The following MAPKAP1 variants were observed in gnomAD, a reference collection of about 807,000 sequenced individuals.
MAPKAP1 encodes the protein MAPK associated protein 1.
A neutral mutation model predicts 65.7 loss-of-function variants in MAPKAP1; 20 were observed. The observed-to-expected ratio is 0.30, with a 90% CI of 0.21 to 0.44. The LOEUF is 0.44. MAPKAP1 is among the 20% of genes least tolerant of loss of function. The pLI, the probability that MAPKAP1 is intolerant of heterozygous loss-of-function variation, is 1.00. For synonymous variants in MAPKAP1, 222 were observed against 244.3 expected (o/e 0.91, Z 0.85); for missense variants, 423 against 648.0 (o/e 0.65, Z 3.77).
chr9:125,511,372 G>A (rs1006603671), intron 7 of MAPKAP1, among the ~76,000 whole-genome samples: 3 of 152,124 alleles, frequency 2.0e-5, no homozygotes, highest in African/African-American at 4.8e-5. Flanking sequence ...CTTAAGAGAG[G>A]AGAAACTGTG....
intron 8 of MAPKAP1, among the ~76,000 whole-genome samples, chr9:125,492,179 C>T (rs565016234): frequency 5.0e-4 from 76 of 152,202 alleles, no homozygotes; most frequent in Non-Finnish European, 9.1e-4. Flanking sequence ...CCATCCTGGG[C>T]GAGACCTGGC....
chr9:125,658,921 G>C (rs895142524), intron 3 of MAPKAP1, among the ~76,000 whole-genome samples: 1 of 152,060 alleles, frequency 6.6e-6, no homozygotes, highest in African/African-American at 2.4e-5. Flanking sequence ...AGAGAGAACA[G>C]AGCTCCGAAA....
intron 4 of MAPKAP1, chr9:125,652,335 GT>G: frequency 2.2e-6 from 2 of 914,930 alleles, no homozygotes; most frequent in Non-Finnish European, 2.7e-6. Flanking sequence ...TAACCAGTAT[GT>G]GTTAATTGCC....
At chr9:125,585,809 C>T (rs1016049741) in intron 4 of MAPKAP1, 82 bp from the exon 5 acceptor site, 2 of 1,372,084 alleles carry the variant, frequency 1.5e-6, no homozygotes, top group Admixed American at 1.8e-5. Flanking sequence ...GTGGGCAGCA[C>T]AGCCATTTTT....
chr9:125,651,399 G>GT (rs1206637055), intron 4 of MAPKAP1, among the ~76,000 whole-genome samples: 1 of 151,984 alleles, frequency 6.6e-6, no homozygotes, highest in Non-Finnish European at 1.5e-5. Flanking sequence ...GAGGTCAGGA[G>GT]TTTGAGACGA....
chr9:125,699,195 G>A (rs1456779489), intron 1 of MAPKAP1, among the ~76,000 whole-genome samples: 2 of 152,056 alleles, frequency 1.3e-5, no homozygotes, highest in Non-Finnish European at 2.9e-5. Flanking sequence ...TAGCCTGAAG[G>A]TAATTTTATA....
In MAPKAP1 at chr9:125,559,613, G is replaced by C; in HGVS notation, c.848+20C>G. 1 of 1,597,274 alleles carries C rather than the reference G, an allele frequency of 6.3e-7. No homozygotes were observed. The highest frequency in any genetic ancestry group is 8.6e-7 in the Non-Finnish European group (1 of 1,169,008). On this transcript the variant is annotated intron_variant, in intron 6 of 11. Transcript: ENST00000265960. The stretch of plus-strand genomic sequence containing the variant: ...AGGTTGGGATGAGATACCGAGAGAA[G>C]TAATAGAGTCAGTACTCACATTCGA...
At chr9:125,457,881 T>A (rs1376416005) in intron 10 of MAPKAP1, among the ~76,000 whole-genome samples, 1 of 152,222 alleles carries the variant, frequency 6.6e-6, no homozygotes, top group Non-Finnish European at 1.5e-5. Flanking sequence ...CAGTGAAAGA[T>A]TCAAGGGGCT....
chr9:125,558,447 G>A (rs1830801269), intron 6 of MAPKAP1, among the ~76,000 whole-genome samples: 1 of 152,048 alleles, frequency 6.6e-6, no homozygotes, highest in Admixed American at 6.5e-5. Context: ...CTTACCCCCA[G>A]GTACTCAGTT....
Position 125,641,904 on chromosome 9 carries a change from T to C in MAPKAP1, c.498+15747A>G, listed in dbSNP as rs375667366. On this transcript the variant is annotated intron_variant, in intron 4 of 11. Coordinates refer to ENST00000265960, the MANE Select transcript of MAPKAP1 (RefSeq NM_001006617.3). ...AAAATTAGCCAGGCATGGTGGCGCATGCCTGTAATCCAAGCTACTCGGGAG... is the reference window on the plus strand; with the variant it reads ...AAAATTAGCCAGGCATGGTGGCGCACGCCTGTAATCCAAGCTACTCGGGAG... Among the ~76,000 whole-genome samples, 13 of 152,062 alleles carry C rather than the reference T, an allele frequency of 8.5e-5. No individual in the cohort carries two copies. The East Asian group carries it at 1.5e-3, about 18-fold the overall frequency.
intron 9 of MAPKAP1, among the ~76,000 whole-genome samples, chr9:125,483,803 T>C (rs750629869): frequency 3.9e-5 from 6 of 152,212 alleles, no homozygotes; most frequent in Non-Finnish European, 8.8e-5. Flanking sequence ...GGTAGTTAAG[T>C]AGTACATGTA....
chr9:125,592,102 C>T (rs904677021), intron 4 of MAPKAP1, among the ~76,000 whole-genome samples: 54 of 152,272 alleles, frequency 3.5e-4, no homozygotes, highest in Middle Eastern at 3.4e-3. Context: ...TGCTGGGCTC[C>T]GAAGACAAAG....
chr9:125,543,238 G>T, intron 6 of MAPKAP1, 70 bp from the exon 7 acceptor site: 1 of 1,141,202 alleles, frequency 8.8e-7, no homozygotes, highest in Non-Finnish European at 1.3e-6. Context: ...AATCTTCACT[G>T]TGTTTAAGCA....
chr9:125,678,892 G>A (rs1397457179), intron 1 of MAPKAP1, among the ~76,000 whole-genome samples: 1 of 152,026 alleles, frequency 6.6e-6, no homozygotes, highest in African/African-American at 2.4e-5. Context: ...AAGCCAGACA[G>A]CTAATACATA....
rs201151787 is a variant in MAPKAP1 at position 125,672,477 on chromosome 9, T to C, written c.98A>G (p.Asp33Gly). Residue 33 changes from aspartate (D) to glycine (G), a missense_variant, in exon 2 of 12, where the codon GAT becomes GGT. By Grantham distance (94) the Asp-to-Gly change is moderately conservative. This residue lies in a region of MAPKAP1 where 58 missense variants were observed against 56.9 expected (regional missense o/e 1.02). Coordinates refer to ENST00000265960, the MANE Select transcript of MAPKAP1 (RefSeq NM_001006617.3). ...DTGMCEMVLI[D>G]HDVDLEKIHP... is the part of the protein sequence containing the mutation. ...AATCTTCTCTAGGTCAACATCATGA[T>C]CAATGAGAACCATCTCACACATTCC... 1.4e-4 allele frequency: 224 copies of C among 1,614,064 alleles called. No homozygotes were observed. The highest frequency in any genetic ancestry group is 1.9e-4 in the Non-Finnish European group (220 of 1,180,022).
At chr9:125,647,141 C>T (rs1199528368) in intron 4 of MAPKAP1, among the ~76,000 whole-genome samples, 1 of 152,178 alleles carries the variant, frequency 6.6e-6, no homozygotes, top group Non-Finnish European at 1.5e-5. Context: ...TCAATTTAAT[C>T]TTTGGTTGCA....
intron 4 of MAPKAP1, among the ~76,000 whole-genome samples, chr9:125,609,151 G>A (rs2131625904): frequency 1.3e-5 from 2 of 152,274 alleles, no homozygotes; most frequent in South Asian, 4.1e-4. Flanking sequence ...ATGCAACTGT[G>A]TCATTTTTTA....
chr9:125,643,587 T>C (rs1405291744), intron 4 of MAPKAP1, among the ~76,000 whole-genome samples: 4 of 152,248 alleles, frequency 2.6e-5, no homozygotes, highest in Non-Finnish European at 5.9e-5. Context: ...TCAATCATTA[T>C]GTAATATTCA....
intron 3 of MAPKAP1, among the ~76,000 whole-genome samples, chr9:125,658,707 C>G (rs1834102328): frequency 6.6e-6 from 1 of 152,040 alleles, no homozygotes. Context: ...ATTAGTGAAC[C>G]AAGACAAGTT....
Sources: allele counts gnomAD v4.1 joint callset (sites outside exome capture counted in the v4.1 genomes callset), GRCh38; gene constraint gnomAD v4.1.1; regional missense constraint gnomAD v4.1.1; transcripts MANE v1.5; gene names NCBI Gene and HGNC (gene_info 2026-07-23, HGNC 2026-07-21).